The following XPR1 variants were observed in gnomAD, a reference collection of about 807,000 sequenced individuals.
XPR1 encodes solute carrier family 53 member 1.
Under a neutral mutation model 87.5 loss-of-function variants are expected in XPR1, and 28 were observed. That is an observed-to-expected ratio of 0.32 (90% CI 0.24 to 0.44). The LOEUF is 0.44. Among genes scored for constraint, XPR1 ranks in the 20% least tolerant of loss-of-function variants. XPR1 has a pLI of 1.00. For synonymous variants in XPR1, 300 were observed against 306.1 expected (o/e 0.98, Z 0.21); for missense variants, 559 against 862.3 (o/e 0.65, Z 4.41).
At chr1:180,782,479 A>G (rs1301448690) in intron 2 of XPR1, among the ~76,000 whole-genome samples, 3 of 152,012 alleles carry the variant, frequency 2.0e-5, no homozygotes, top group Middle Eastern at 3.2e-3. Flanking sequence ...AACATGGCCT[A>G]TCCTCTGTGT....
chr1:180,705,722 A>T (rs1657534960), intron 2 of XPR1, among the ~76,000 whole-genome samples: 2 of 152,324 alleles, frequency 1.3e-5, no homozygotes, highest in Middle Eastern at 3.4e-3. Flanking sequence ...TATAATTTCC[A>T]CTTAAGGAAA....
At chr1:180,835,147 C>A in intron 10 of XPR1, 102 bp downstream of exon 10, 1 of 1,237,982 alleles carries the variant, frequency 8.1e-7, no homozygotes. Flanking sequence ...AAAACTTACC[C>A]AATAATATTA....
intron 1 of XPR1, among the ~76,000 whole-genome samples, chr1:180,678,290 C>T (rs1268931882): frequency 1.3e-5 from 2 of 152,202 alleles, no homozygotes; most frequent in Non-Finnish European, 2.9e-5. Flanking sequence ...CTCCCTTCTT[C>T]AGAGGTCTGG....
intron 11 of XPR1, among the ~76,000 whole-genome samples, chr1:180,840,566 G>GTGTATATA (rs1258711178): frequency 7.3e-6 from 1 of 136,398 alleles, no homozygotes; most frequent in South Asian, 2.4e-4. Flanking sequence ...GTGTGTGTGT[G>GTGTATATA]TATATATATA....
At chr1:180,705,872 T>C (rs1657540657) in intron 2 of XPR1, among the ~76,000 whole-genome samples, 1 of 152,156 alleles carries the variant, frequency 6.6e-6, no homozygotes, top group African/African-American at 2.4e-5. Context: ...GCAATGGCCA[T>C]GAAAGAATCT....
chr1:180,786,482 C>T (rs58972035), intron 2 of XPR1, among the ~76,000 whole-genome samples: 3,457 of 152,166 alleles, frequency 0.023, 137 homozygotes, highest in African/African-American at 0.078. Flanking sequence ...TAGGATAGTT[C>T]TGTATTATTA....
chr1:180,787,922 A>AG (rs1484995940), intron 3 of XPR1, 68 bp downstream of exon 3: 2 of 1,128,338 alleles, frequency 1.8e-6, no homozygotes, highest in Non-Finnish European at 2.6e-6. Flanking sequence ...CATTGTTTAA[A>AG]CTTCTGATCA....
chr1:180,802,998 T>C (rs1361326802), intron 3 of XPR1, among the ~76,000 whole-genome samples: 2 of 152,248 alleles, frequency 1.3e-5, no homozygotes, highest in African/African-American at 4.8e-5. Context: ...TTAGTATATG[T>C]ATGCAAGTTT....
chr1:180,744,651 TTTC>T (rs1226816488), intron 2 of XPR1, among the ~76,000 whole-genome samples: 2 of 102,564 alleles, frequency 1.9e-5, no homozygotes, highest in African/African-American at 8.5e-5. Context: ...GCACAATTTC[TTTC>T]TTTTTTTTTT....
At chr1:180,632,672 G>A (rs935057739) in intron 1 of XPR1, among the ~76,000 whole-genome samples, 1 of 152,200 alleles carries the variant, frequency 6.6e-6, no homozygotes, top group African/African-American at 2.4e-5. Flanking sequence ...CTGGGCGAGC[G>A]CCCCCTCGCC....
intron 1 of XPR1, among the ~76,000 whole-genome samples, chr1:180,665,170 G>A (rs12135869): frequency 0.32 from 48,212 of 152,008 alleles, 8,396 homozygotes; most frequent in Non-Finnish European, 0.39. Context: ...TTTTTCAAAG[G>A]GTGGCAGGAT....
At chr1:180,768,739 A>G (rs1648386167) in intron 2 of XPR1, among the ~76,000 whole-genome samples, 2 of 152,340 alleles carry the variant, frequency 1.3e-5, no homozygotes, top group Non-Finnish European at 2.9e-5. Flanking sequence ...AGGTTTTACT[A>G]TCTCAACTCC....
chr1:180,759,878 A>C (rs1321154073), intron 2 of XPR1, among the ~76,000 whole-genome samples: 1 of 152,196 alleles, frequency 6.6e-6, no homozygotes, highest in Non-Finnish European at 1.5e-5. Flanking sequence ...AAATACTGAC[A>C]AACCGAATCC....
At chr1:180,795,496 G>A (rs1649535478) in intron 3 of XPR1, among the ~76,000 whole-genome samples, 2 of 152,080 alleles carry the variant, frequency 1.3e-5, no homozygotes, top group African/African-American at 2.4e-5. Flanking sequence ...AAAATAGTCT[G>A]TTTTCATCAA....
chr1:180,851,994 C>G (rs1651880786), intron 11 of XPR1, among the ~76,000 whole-genome samples: 1 of 151,446 alleles, frequency 6.6e-6, no homozygotes, highest in South Asian at 2.1e-4. Context: ...TCAGGCACTA[C>G]TAGATGCTAG....
chr1:180,682,235 G>A (rs573711290), intron 1 of XPR1, 125 bp from the exon 2 acceptor site: 7 of 552,694 alleles, frequency 1.3e-5, no homozygotes, highest in African/African-American at 9.7e-5. Flanking sequence ...GTTAATTGAA[G>A]TATTTATCAA....
intron 3 of XPR1, among the ~76,000 whole-genome samples, chr1:180,802,060 T>C (rs982557137): frequency 6.6e-6 from 1 of 152,138 alleles, no homozygotes; most frequent in Non-Finnish European, 1.5e-5. Context: ...CCTCCCAAAG[T>C]GCTGGGATTA....
At chr1:180,776,338 AAAGTAGTTATTGAATTAATTC>A (rs928805038) in intron 2 of XPR1, among the ~76,000 whole-genome samples, 8 of 152,058 alleles carry the variant, frequency 5.3e-5, no homozygotes, top group Non-Finnish European at 8.8e-5. Context: ...CCAAATACAT[AAAGTAGTTATTGAATTAATTC>A]AAGTAGTTAT....
intron 2 of XPR1, among the ~76,000 whole-genome samples, chr1:180,785,011 T>TTGTGTGTGTGTGTGTGTG (rs1186269708): frequency 0.069 from 9,323 of 136,054 alleles, 436 homozygotes; most frequent in Non-Finnish European, 0.081. Flanking sequence ...GTGTGTGTGT[T>TTGTGTGTGTGTGTGTGTG]TGTGTGTGTG....
Sources: allele counts gnomAD v4.1 joint callset (sites outside exome capture counted in the v4.1 genomes callset), GRCh38; gene constraint gnomAD v4.1.1; transcripts MANE v1.5; gene names NCBI Gene and HGNC (gene_info 2026-07-23, HGNC 2026-07-21).